SLC25A46: variants seen among roughly 807,000 people sequenced by gnomAD.
SLC25A46 encodes mitochondrial outer membrane protein SLC25A46.
In SLC25A46, 39 loss-of-function variants were observed where a neutral mutation model predicts 44.6. That is an observed-to-expected ratio of 0.87 (90% CI 0.68 to 1.14). SLC25A46 has a LOEUF of 1.14. SLC25A46 is among the 50% of genes most tolerant of loss of function. The pLI, the probability that SLC25A46 is intolerant of heterozygous loss-of-function variation, is 0.00. For synonymous variants in SLC25A46, 202 were observed against 185.8 expected (o/e 1.09, Z -0.71); for missense variants, 547 against 522.7 (o/e 1.05, Z -0.45).
At chr5:110,742,335 T>C (rs1799712906) in intron 2 of SLC25A46, among the ~76,000 whole-genome samples, 1 of 152,110 alleles carries the variant, frequency 6.6e-6, no homozygotes, top group Admixed American at 6.6e-5. Context: ...TTGTAATGAG[T>C]ATTGTAACTG....
At chr5:110,750,189 A>C (rs932903035) in intron 5 of SLC25A46, among the ~76,000 whole-genome samples, 9 of 151,780 alleles carry the variant, frequency 5.9e-5, no homozygotes, top group Non-Finnish European at 1.5e-5. Context: ...AACTTTGCTA[A>C]AACGTTTGAA....
At chr5:110,756,844 G>A in intron 7 of SLC25A46, 85 bp downstream of exon 7, 1 of 886,252 alleles carries the variant, frequency 1.1e-6, no homozygotes, top group South Asian at 3.1e-5. Context: ...TAACATTTCA[G>A]CAGAAAATTT....
At chr5:110,741,952 T>C in intron 1 of SLC25A46, 95 bp from the exon 2 acceptor site, 1 of 847,110 alleles carries the variant, frequency 1.2e-6, no homozygotes, top group Non-Finnish European at 1.9e-6. Flanking sequence ...GTTAATAAAA[T>C]AAATTTTTTA....
In SLC25A46 at chr5:110,761,570, A is replaced by G. The variant is rs1800252268; in HGVS notation, c.1045A>G (p.Ile349Val). Residue 349 changes from isoleucine (I) to valine (V), a missense_variant, in exon 8 of 8, where the codon ATA becomes GTA. Transcript: ENST00000355943. The surrounding 1 kb of genome is among the most constrained non-coding windows in gnomAD (Gnocchi z 5.3). ...CCTTCACATTCAAGGAACACGCACAATAATTGACAATACAGACCTTGGCTA... is the reference window on the plus strand; with the variant it reads ...CCTTCACATTCAAGGAACACGCACAGTAATTGACAATACAGACCTTGGCTA... The part of the protein sequence containing the change: ...HRLHIQGTRT[I>V]IDNTDLGYEV... 6.2e-7 allele frequency: 1 copy of G among 1,613,828 alleles called. No individual in the cohort carries two copies. Among genetic ancestry groups the G allele is most frequent in the Non-Finnish European group, 8.5e-7 (1 of 1,179,794 alleles).
intron 5 of SLC25A46, chr5:110,753,932 C>T (rs1207054198): frequency 2.0e-5 from 3 of 152,038 alleles, no homozygotes; most frequent in African/African-American, 7.2e-5. Flanking sequence ...AAGCATGTAA[C>T]GTATTTTGTT....
intron 4 of SLC25A46, among the ~76,000 whole-genome samples, chr5:110,747,643 G>A (rs1223862529): frequency 2.0e-5 from 3 of 152,160 alleles, no homozygotes; most frequent in African/African-American, 7.2e-5. Context: ...AAGTAATAGT[G>A]TTAAGTATGG....
chr5:110,761,420 C>A lies in SLC25A46; in HGVS notation c.895C>A (p.Leu299Ile). The A allele has an allele frequency of 6.2e-7, 1 of 1,613,702 alleles. No homozygotes were observed. The highest frequency in any genetic ancestry group is 8.5e-7 in the Non-Finnish European group (1 of 1,179,780). ...AAAGAGAAAGACTTACAATAGCCACCTAGCTGAGAGCACTAGCCCTGTGCA... is the reference window on the plus strand; with the variant it reads ...AAAGAGAAAGACTTACAATAGCCACATAGCTGAGAGCACTAGCCCTGTGCA... ...ILKRKTYNSH[L>I]AESTSPVQSM... The change falls in exon 8 of 8, where the codon CTA (leucine) becomes ATA (isoleucine). Residue 299 changes from leucine to isoleucine, a missense_variant. Coordinates refer to ENST00000355943, the MANE Select transcript of SLC25A46 (RefSeq NM_138773.4). This position sits in a 1 kb window ranked among gnomAD's most constrained non-coding sequence, Gnocchi z 5.3.
At chr5:110,742,988 G>A (rs754607868) in intron 2 of SLC25A46, among the ~76,000 whole-genome samples, 2 of 151,960 alleles carry the variant, frequency 1.3e-5, no homozygotes, top group Admixed American at 6.5e-5. Context: ...AAACCCGAGG[G>A]TGTTAATGTC....
chr5:110,742,203 A>G (rs1799708465), intron 2 of SLC25A46, 114 bp downstream of exon 2: 1 of 643,108 alleles, frequency 1.6e-6, no homozygotes, highest in Non-Finnish European at 2.5e-6. Flanking sequence ...TCTTTGAAGC[A>G]GCAGCTTAAA....
At chr5:110,753,435 T>TA (rs1800022950) in intron 5 of SLC25A46, 1 of 151,938 alleles carries the variant, frequency 6.6e-6, no homozygotes, top group Admixed American at 6.6e-5. Flanking sequence ...TTTGATTTGT[T>TA]AAATGAAAAA....
rs986795643 is a variant in SLC25A46 at position 110,739,414 on chromosome 5, G to C, written c.283+12G>C. ...GGGGCAGAGCAGTGGTGAGAAGCAT[G>C]GGGACCGACACAGGGATGAGGGGTT... On this transcript the variant is annotated intron_variant, in intron 1 of 7. Transcript: ENST00000355943. The C allele has an allele frequency of 2.0e-5, 31 of 1,537,366 alleles. No individual in the cohort carries two copies. Among genetic ancestry groups the C allele is most frequent in the Non-Finnish European group, 2.7e-5 (31 of 1,147,466 alleles).
At position 110,758,093 on chromosome 5, in the gene SLC25A46, T is replaced by C. The variant is rs76196957; in HGVS notation, c.678+1334T>C. ...CCTTGTTTCCTGCTTCAAGTTCCAC[T>C]TGCTAACTCCTTTTGATCTCTTTTG... On this transcript the variant is annotated intron_variant, in intron 7 of 7. Transcript: ENST00000355943. 3.3e-4 allele frequency among the ~76,000 whole-genome samples: 51 copies of C among 152,328 alleles called. No homozygotes were observed. In the East Asian group the frequency reaches 5.6e-3, roughly 17 times the overall value.
chr5:110,754,492 T>C (rs1343973758), intron 5 of SLC25A46: 1 of 151,572 alleles, frequency 6.6e-6, no homozygotes, highest in Admixed American at 6.6e-5. Context: ...TTCTATTTCA[T>C]TTCAGCTTGC....
In SLC25A46 at chr5:110,762,066, T is replaced by TTTA; in HGVS notation, c.*289_*291dup. The stretch of plus-strand genomic sequence containing the variant: ...ACATGATCGTAGGCAGAAGCAAAAT[T>TTTA]TTATTATAAAATCTAAAACAAAACT... On this transcript the variant is annotated 3_prime_UTR_variant, in exon 8 of 8. Coordinates refer to ENST00000355943, the MANE Select transcript of SLC25A46 (RefSeq NM_138773.4). 1 of 270,052 alleles carries TTTA rather than the reference T, an allele frequency of 3.7e-6. No individual in the cohort carries two copies. The highest frequency in any genetic ancestry group is 7.0e-6 in the Non-Finnish European group (1 of 142,130). The allele number at this position is 270,052 out of a possible 1,614,324, so 16.7% of individuals were successfully genotyped here.
intron 6 of SLC25A46, 99 bp downstream of exon 6, chr5:110,755,620 A>T: frequency 1.4e-6 from 1 of 699,886 alleles, no homozygotes; most frequent in South Asian, 2.3e-5. Context: ...AGAGAAGGAA[A>T]TTAGAGCAGT....
chr5:110,749,156 C>G (rs1799894215), intron 5 of SLC25A46, among the ~76,000 whole-genome samples: 1 of 151,962 alleles, frequency 6.6e-6, no homozygotes. Context: ...TCAGTAGTGA[C>G]TGAGATTTCT....
chr5:110,755,435 G>A (rs773077788), intron 5 of SLC25A46, 30 bp from the exon 6 acceptor site: 2 of 1,391,236 alleles, frequency 1.4e-6, no homozygotes, highest in East Asian at 2.3e-5. Context: ...CATGGCTTTT[G>A]TTTTATTTAA....
Position 110,746,301 on chromosome 5 carries a change from T to A in SLC25A46, c.417T>A (p.Thr139=). ...ACCATGCTCAGCATTACCATCTCAC[T>A]CCATTTACAGTCATCAATATTATGT... The part of the protein sequence containing the change: ...VNYHAQHYHL[T]PFTVINIMYS... The change falls in exon 4 of 8, where the codon ACT becomes ACA. Residue 139 remains threonine, a synonymous_variant. Coordinates refer to ENST00000355943, the MANE Select transcript of SLC25A46 (RefSeq NM_138773.4). 1 of 1,591,390 alleles carries A rather than the reference T, an allele frequency of 6.3e-7. No individual in the cohort carries two copies. The highest frequency in any genetic ancestry group is 8.5e-7 in the Non-Finnish European group (1 of 1,172,496).
intron 5 of SLC25A46, among the ~76,000 whole-genome samples, chr5:110,752,871 C>T (rs992719532): frequency 1.3e-5 from 2 of 152,154 alleles, no homozygotes; most frequent in East Asian, 3.9e-4. Flanking sequence ...ATATGAGCGT[C>T]GCTAGGGAAG....
Sources: allele counts gnomAD v4.1 joint callset (sites outside exome capture counted in the v4.1 genomes callset), GRCh38; gene constraint gnomAD v4.1.1; non-coding constraint Gnocchi (gnomAD v3.1); transcripts MANE v1.5; gene names NCBI Gene and HGNC (gene_info 2026-07-23, HGNC 2026-07-21).